The following COL11A1 variants were observed in gnomAD, a reference collection of about 807,000 sequenced individuals.
The protein encoded by COL11A1 is collagen alpha-1(XI) chain.
A neutral mutation model predicts 265.2 loss-of-function variants in COL11A1; 74 were observed. The ratio of observed to expected loss-of-function variants is 0.28; its 90% CI spans 0.23 to 0.34. COL11A1 has a LOEUF of 0.34. Among genes scored for constraint, COL11A1 ranks in the 10% least tolerant of loss-of-function variants. COL11A1 has a pLI of 1.00. For synonymous variants in COL11A1, 816 were observed against 727.6 expected (o/e 1.12, Z -1.96); for missense variants, 2,165 against 2,263.6 (o/e 0.96, Z 0.88).
chr1:103,091,168 G>A (rs1021011136), intron 1 of COL11A1, among the ~76,000 whole-genome samples: 13 of 151,720 alleles, frequency 8.6e-5, no homozygotes, highest in Non-Finnish European at 1.5e-5. Context: ...TAAACACAGC[G>A]GGCCTCATCT....
At chr1:103,068,079 G>C (rs1230571332) in intron 4 of COL11A1, among the ~76,000 whole-genome samples, 1 of 151,512 alleles carries the variant, frequency 6.6e-6, no homozygotes, top group Non-Finnish European at 1.5e-5. Flanking sequence ...AGAGATCACT[G>C]CACAGATGAG....
chr1:103,063,565 C>T (rs1363520434), intron 4 of COL11A1, among the ~76,000 whole-genome samples: 1 of 151,990 alleles, frequency 6.6e-6, no homozygotes, highest in Non-Finnish European at 1.5e-5. Context: ...AAAATTAAGT[C>T]ATAATGGTTC....
At chr1:102,881,908 T>A in intron 64 of COL11A1, 143 bp from the exon 65 acceptor site, 1 of 674,712 alleles carries the variant, frequency 1.5e-6, no homozygotes, top group East Asian at 2.9e-5. Context: ...CAAATTAGAT[T>A]ATACAAAATG....
intron 1 of COL11A1, among the ~76,000 whole-genome samples, chr1:103,086,017 C>T (rs1171191194): frequency 6.6e-6 from 1 of 152,142 alleles, no homozygotes; most frequent in Non-Finnish European, 1.5e-5. Context: ...CACTTCACCA[C>T]TCACCCTGCT....
At chr1:102,995,961 A>C in intron 27 of COL11A1, 28 bp downstream of exon 27, 1 of 1,612,182 alleles carries the variant, frequency 6.2e-7, no homozygotes, top group Non-Finnish European at 8.5e-7. Context: ...CTTTGAAAGT[A>C]AATAATGTGA....
chr1:102,934,342 G>A, intron 46 of COL11A1, 107 bp downstream of exon 46: 1 of 747,122 alleles, frequency 1.3e-6, no homozygotes, highest in East Asian at 2.6e-5. Flanking sequence ...TTGTACCCAA[G>A]TTCTTACGTA....
Position 102,932,923 on chromosome 1 carries a change from G to A in COL11A1, c.3600+1526C>T, listed in dbSNP as rs948758975. Among the ~76,000 whole-genome samples, 68 of 150,106 alleles carry A rather than the reference G, an allele frequency of 4.5e-4. 1 individual carries two copies. Among genetic ancestry groups the A allele is most frequent in the African/African-American group, 1.6e-3 (67 of 41,050 alleles). ...TCTGCATTCTTCACGTAGTTCTCGA[G>A]CCTTGGTTTTCAGCTCCATCAGCTC... On this transcript the variant is annotated intron_variant, in intron 46 of 66. Transcript: ENST00000370096.
At position 103,039,455 on chromosome 1, in the gene COL11A1, G is replaced by A. The variant is rs181138307; in HGVS notation, c.652-8211C>T. Among the ~76,000 whole-genome samples, 139 of 152,162 alleles carry A rather than the reference G, an allele frequency of 9.1e-4. 2 individuals carry two copies. Among genetic ancestry groups the A allele is most frequent in the Non-Finnish European group, 2.6e-4 (18 of 68,010 alleles). On this transcript the variant is annotated intron_variant, in intron 4 of 66. Coordinates refer to ENST00000370096, the MANE Select transcript of COL11A1 (RefSeq NM_001854.4). Reference sequence around the variant, plus strand: ...TTTAAGAAGGTAATTAAGGTTAAACGAAGCCACTAGTATGGTCCTGATTGA... The same window carrying A: ...TTTAAGAAGGTAATTAAGGTTAAACAAAGCCACTAGTATGGTCCTGATTGA...
chr1:102,970,223 T>C lies in COL11A1; in HGVS notation c.2858A>G (p.Glu953Gly), dbSNP rs1661828953. ...AAGAGTAACAAGGTCACTTACAGTC[T>C]CCCCACGTTGCCCAGGGTGTCCTGG... ...GLPGHPGQRGETGFQGKTGPP... is the reference protein window; with the variant it reads ...GLPGHPGQRGGTGFQGKTGPP... Residue 953 changes from glutamate (E) to glycine (G), a missense_variant, in exon 37 of 67, where the codon GAG becomes GGG. Glu to Gly is a moderately conservative substitution (Grantham distance 98). Transcript: ENST00000370096. 1 of 1,612,272 alleles carries C rather than the reference T, an allele frequency of 6.2e-7. No individual in the cohort carries two copies. The highest frequency in any genetic ancestry group is 1.7e-5 in the Admixed American group (1 of 59,976).
chr1:103,079,920 T>G (rs1237414760), intron 2 of COL11A1, among the ~76,000 whole-genome samples: 1 of 151,936 alleles, frequency 6.6e-6, no homozygotes, highest in African/African-American at 2.4e-5. Context: ...TGGATTCAAG[T>G]TCAAACAATT....
intron 52 of COL11A1, among the ~76,000 whole-genome samples, 190 bp from the exon 53 acceptor site, chr1:102,913,880 A>C (rs555754998): frequency 1.3e-5 from 2 of 152,168 alleles, no homozygotes; most frequent in Non-Finnish European, 2.9e-5. Context: ...AAAATTTGTA[A>C]AACTGCTACT....
At chr1:102,919,424 C>G (rs535155186) in intron 49 of COL11A1, among the ~76,000 whole-genome samples, 2 of 151,474 alleles carry the variant, frequency 1.3e-5, no homozygotes, top group African/African-American at 2.4e-5. Context: ...ATAAAATACA[C>G]AAAAAACTTG....
rs777713953 is a variant in COL11A1 at position 103,006,079 on chromosome 1, G to C, written c.1780C>G (p.Pro594Ala). 3 of 1,613,928 alleles carry C rather than the reference G, an allele frequency of 1.9e-6. No individual in the cohort carries two copies. The South Asian group carries it at 3.3e-5, about 18-fold the overall frequency. The change falls in exon 17 of 67, where the codon CCT becomes GCT. Residue 594 changes from proline to alanine, a missense_variant. Coordinates refer to ENST00000370096, the MANE Select transcript of COL11A1 (RefSeq NM_001854.4). ...ADGGRGMPGE[P>A]GAKGDRGFDG... ...TGTGAGCTCCTGACCTTTGCCCCAG[G>C]TTCTCCTGGCATTCCTCTTCCTCCA...
intron 42 of COL11A1, among the ~76,000 whole-genome samples, chr1:102,943,153 G>T (rs1658906158): frequency 6.6e-6 from 1 of 151,744 alleles, no homozygotes; most frequent in Non-Finnish European, 1.5e-5. Context: ...TAATAATGAG[G>T]CAACGCATTC....
intron 42 of COL11A1, 79 bp from the exon 43 acceptor site, chr1:102,940,513 T>A (rs775678207): frequency 3.0e-6 from 3 of 1,016,524 alleles, no homozygotes; most frequent in Non-Finnish European, 4.5e-6. Context: ...CTTCTATATT[T>A]GACAAGGATA....
At position 103,005,899 on chromosome 1, in the gene COL11A1, ACC is replaced by A; in HGVS notation, c.1792-10_1792-9del. On this transcript the variant is annotated splice_polypyrimidine_tract_variant and intron_variant, in intron 17 of 66. Transcript: ENST00000370096. ...ATCAAACCCTCGATCTCCCTGTAAA[ACC>A]ATCATCATCATCATCATCATCATCA... 6 of 1,529,620 alleles carry A rather than the reference ACC, an allele frequency of 3.9e-6. No individual in the cohort carries two copies. Among genetic ancestry groups the A allele is most frequent in the Non-Finnish European group, 5.3e-6 (6 of 1,140,540 alleles). The allele number at this position is 1,529,620 out of a possible 1,614,324, so 94.8% of individuals were successfully genotyped here. A position where few individuals can be genotyped will look rare whatever the true frequency, so the allele number is the denominator to read the frequency against.
Position 102,913,620 on chromosome 1 carries a change from T to A in COL11A1, c.4032+17A>T, listed in dbSNP as rs770999656. The A allele has an allele frequency of 2.5e-6, 4 of 1,610,512 alleles. No individual in the cohort carries two copies. The highest frequency in any genetic ancestry group is 2.2e-5 in the South Asian group (2 of 91,004). ...GACTATGTAAAAACTTAAAAATAAA[T>A]TAGTGCATTTACTCACCGGTTGACC... is the stretch of plus-strand genomic sequence containing the variant. On this transcript the variant is annotated intron_variant, in intron 53 of 66. Transcript: ENST00000370096.
chr1:102,922,695 G>A (rs1259655884), intron 47 of COL11A1, among the ~76,000 whole-genome samples: 1 of 152,090 alleles, frequency 6.6e-6, no homozygotes, highest in Admixed American at 6.6e-5. Context: ...CACCGCTCCC[G>A]GCCAGCAAAG....
At chr1:102,945,052 A>ACATTTTTTTT (rs929078774) in intron 42 of COL11A1, among the ~76,000 whole-genome samples, 3 of 151,120 alleles carry the variant, frequency 2.0e-5, no homozygotes, top group African/African-American at 7.4e-5. Context: ...ATTACAGAAA[A>ACATTTTTTTT]CATTTTTTTT....
Sources: gnomAD v4.1 joint callset for allele counts (sites outside exome capture counted in the v4.1 genomes callset) on GRCh38, gnomAD v4.1.1 for gene constraint, MANE v1.5 for transcripts, NCBI Gene and HGNC (gene_info 2026-07-23, HGNC 2026-07-21) for gene names.